Variants in FRMD4A observed in about 807,000 individuals in gnomAD.
The protein encoded by FRMD4A is FERM domain-containing protein 4A.
FRMD4A carries 29 observed loss-of-function variants against 129.1 expected under a neutral mutation model. The observed-to-expected ratio is 0.22, with a 90% confidence interval of 0.17 to 0.31. FRMD4A has a LOEUF of 0.31. FRMD4A is among the 10% of genes least tolerant of loss of function. FRMD4A has a pLI of 1.00. For missense variants in FRMD4A, 1,272 were observed against 1,375.8 expected (o/e 0.92, Z 1.19); for synonymous variants, 634 against 571.6 (o/e 1.11, Z -1.56).
At position 14,330,019 on chromosome 10, in the gene FRMD4A, G is replaced by A. The variant is rs964968462; in HGVS notation, c.45+39C>T. ...CCCACGGTGCAGGGGAGGCTGGAGTGGACGCTGCCCGGGCCCCACCTCCTG... is the reference window on the plus strand; with the variant it reads ...CCCACGGTGCAGGGGAGGCTGGAGTAGACGCTGCCCGGGCCCCACCTCCTG... On this transcript the variant is annotated intron_variant, in intron 2 of 24. Transcript: ENST00000357447. The A allele has an allele frequency of 1.9e-6, 3 of 1,547,634 alleles. No individual in the cohort carries two copies. In the Admixed American group the frequency reaches 5.9e-5, roughly 30 times the overall value.
intron 2 of FRMD4A, among the ~76,000 whole-genome samples, chr10:14,244,236 G>A (rs1035195705): frequency 6.6e-6 from 1 of 152,208 alleles, no homozygotes; most frequent in Admixed American, 6.5e-5. Context: ...GCTACCCTGT[G>A]CTAGGGGATC....
intron 15 of FRMD4A, among the ~76,000 whole-genome samples, chr10:13,691,628 C>G (rs1331984075): frequency 1.3e-5 from 2 of 152,198 alleles, no homozygotes; most frequent in African/African-American, 2.4e-5. Context: ...CCTACAGAAT[C>G]AGGAGCTCTG....
At chr10:14,049,790 G>T (rs2131684906) in intron 2 of FRMD4A, among the ~76,000 whole-genome samples, 1 of 152,300 alleles carries the variant, frequency 6.6e-6, no homozygotes, top group Admixed American at 6.5e-5. Flanking sequence ...TGGAGGCAGA[G>T]GTTGCAGTGA....
At chr10:14,160,928 A>T (rs970462943) in intron 2 of FRMD4A, among the ~76,000 whole-genome samples, 6 of 152,190 alleles carry the variant, frequency 3.9e-5, no homozygotes, top group African/African-American at 1.4e-4. Flanking sequence ...GTAGATTAGT[A>T]CAGCCATTAT....
chr10:14,274,286 A>T (rs1845264376), intron 2 of FRMD4A, among the ~76,000 whole-genome samples: 1 of 152,198 alleles, frequency 6.6e-6, no homozygotes, highest in African/African-American at 2.4e-5. Flanking sequence ...CCTATCTCTT[A>T]GCAGATTACG....
chr10:13,657,430 C>T lies in FRMD4A; in HGVS notation c.2159G>A (p.Gly720Asp). 6.2e-7 allele frequency: 1 copy of T among 1,612,768 alleles called. No homozygotes were observed. Among genetic ancestry groups the T allele is most frequent in the South Asian group, 1.1e-5 (1 of 91,068 alleles). Residue 720 changes from glycine to aspartate, a missense_variant, in exon 22 of 25, where the codon GGC becomes GAC. Transcript: ENST00000357447. ...SSLESQGKLL[G>D]SENDTGSPDF... Reference sequence around the variant, plus strand: ...GGGGCTCCCGGTGTCGTTTTCCGAGCCCAGGAGCTTGCCCTGGGACTCCAG... The same window carrying T: ...GGGGCTCCCGGTGTCGTTTTCCGAGTCCAGGAGCTTGCCCTGGGACTCCAG...
intron 2 of FRMD4A, among the ~76,000 whole-genome samples, chr10:14,281,014 C>T (rs1428983845): frequency 5.4e-5 from 4 of 74,124 alleles, no homozygotes; most frequent in African/African-American, 1.3e-4. Flanking sequence ...TTTTTTGCAA[C>T]GGAGTTTCGA....
chr10:13,755,623 T>C (rs1256161524), intron 8 of FRMD4A, among the ~76,000 whole-genome samples: 1 of 152,234 alleles, frequency 6.6e-6, no homozygotes, highest in Non-Finnish European at 1.5e-5. Flanking sequence ...AATGAGGGAC[T>C]GCTACTATTT....
chr10:13,646,409 C>G lies in FRMD4A; in HGVS notation c.*629G>C, dbSNP rs540002385. 1.3e-5 allele frequency: 2 copies of G among 152,718 alleles called. No individual in the cohort carries two copies. The highest frequency in any genetic ancestry group is 4.1e-4 in the South Asian group (2 of 4,828). The allele number at this position is 152,718 out of a possible 1,614,324, so 9.5% of individuals were successfully genotyped here. On this transcript the variant is annotated 3_prime_UTR_variant, in exon 25 of 25. Coordinates refer to ENST00000357447, the MANE Select transcript of FRMD4A (RefSeq NM_018027.5). ...TGTCGAGAACTTCCTTTCTCAACCTCCCCTTCCCCCATAGCCATCCCCACA... is the reference window on the plus strand; with the variant it reads ...TGTCGAGAACTTCCTTTCTCAACCTGCCCTTCCCCCATAGCCATCCCCACA...
At chr10:13,997,727 A>G (rs1480324736) in intron 2 of FRMD4A, among the ~76,000 whole-genome samples, 1 of 151,472 alleles carries the variant, frequency 6.6e-6, no homozygotes, top group Non-Finnish European at 1.5e-5. Flanking sequence ...GGTTCAAACA[A>G]GCCTTCCATC....
intron 2 of FRMD4A, among the ~76,000 whole-genome samples, chr10:14,110,564 A>T (rs146534595): frequency 0.011 from 1,606 of 152,316 alleles, 36 homozygotes; most frequent in African/African-American, 0.037. Context: ...AGACGGCAAG[A>T]CTGGAAGATA....
chr10:14,248,209 C>T (rs948820131), intron 2 of FRMD4A, among the ~76,000 whole-genome samples: 27 of 134,164 alleles, frequency 2.0e-4, no homozygotes, highest in Admixed American at 1.5e-4. Flanking sequence ...AACTAATCTG[C>T]CCAAATATAA....
At chr10:14,195,840 C>A (rs975048903) in intron 2 of FRMD4A, among the ~76,000 whole-genome samples, 4 of 152,200 alleles carry the variant, frequency 2.6e-5, no homozygotes, top group South Asian at 4.1e-4. Flanking sequence ...AGAGAAGGTG[C>A]CTGTTGTATG....
At chr10:13,651,129 G>C (rs1262871309) in intron 24 of FRMD4A, 1 of 152,252 alleles carries the variant, frequency 6.6e-6, no homozygotes, top group Non-Finnish European at 1.5e-5. Context: ...CGTGAATCTT[G>C]TTAAATGCAC....
chr10:13,968,660 G>A (rs1295626985), intron 2 of FRMD4A, among the ~76,000 whole-genome samples: 1 of 152,170 alleles, frequency 6.6e-6, no homozygotes, highest in African/African-American at 2.4e-5. Context: ...CTCCATGTTG[G>A]TCAGGCTGGT....
At chr10:14,310,426 C>A (rs978543603) in intron 2 of FRMD4A, among the ~76,000 whole-genome samples, 4 of 152,192 alleles carry the variant, frequency 2.6e-5, no homozygotes, top group African/African-American at 4.8e-5. Flanking sequence ...AGAGTAATTT[C>A]TTTTCTAACA....
intron 2 of FRMD4A, among the ~76,000 whole-genome samples, chr10:14,104,821 A>T (rs1837501853): frequency 6.6e-6 from 1 of 152,182 alleles, no homozygotes; most frequent in Non-Finnish European, 1.5e-5. Context: ...TCCAGGGAAA[A>T]CCAAACCATC....
In FRMD4A at chr10:13,656,694, G is replaced by T. The variant is rs769499770; in HGVS notation, c.2895C>A (p.Ser965Arg). Reference protein sequence around the residue: ...SGSQYSTSSQSTFVAHSRVTR... With the variant: ...SGSQYSTSSQRTFVAHSRVTR... ...TGACCCTGCTGTGCGCCACGAAGGT[G>T]CTCTGGGAGGAGGTGCTGTACTGCG... The change falls in exon 22 of 25, where the codon AGC (serine) becomes AGA (arginine). Residue 965 changes from serine to arginine, a missense_variant. Physicochemically the swap from Ser to Arg is moderately radical, Grantham distance 110. Transcript: ENST00000357447. 1.9e-6 allele frequency: 3 copies of T among 1,570,888 alleles called. No homozygotes were observed. The highest frequency in any genetic ancestry group is 1.8e-5 in the Admixed American group (1 of 55,242).
In FRMD4A at chr10:13,713,967, T is replaced by TACATATATAAA. The variant is rs1382424209; in HGVS notation, c.760-6855_760-6854insTTTATATATGT. 1.5e-5 allele frequency among the ~76,000 whole-genome samples: 2 copies of TACATATATAAA among 130,398 alleles called. 1 individual carries two copies. The allele number at this position is 130,398 out of a possible 152,430, so 85.5% of individuals were successfully genotyped here. Reference sequence around the variant, plus strand: ...ATGTAATACACACACATATATAATATATACATATATGTAATATACATATAT... The same window carrying TACATATATAAA: ...ATGTAATACACACACATATATAATATACATATATAAAATACATATATGTAATATACATATAT... On this transcript the variant is annotated intron_variant, in intron 12 of 24. Transcript: ENST00000357447.
Sources: gnomAD v4.1 joint callset for allele counts (sites outside exome capture counted in the v4.1 genomes callset) on GRCh38, gnomAD v4.1.1 for gene constraint, MANE v1.5 for transcripts, NCBI Gene and HGNC (gene_info 2026-07-23, HGNC 2026-07-21) for gene names.